The following NRG1 variants were observed in gnomAD, a reference collection of about 807,000 sequenced individuals.
The protein encoded by NRG1 is neuregulin 1.
NRG1 carries 18 observed loss-of-function variants against 63.8 expected under a neutral mutation model. The observed-to-expected ratio is 0.28, with a 90% CI of 0.19 to 0.42. NRG1 has a LOEUF of 0.42. Ranked by LOEUF, NRG1 falls within the 10% of genes least tolerant of loss-of-function variation. NRG1 has a pLI of 1.00. For synonymous variants in NRG1, 302 were observed against 301.3 expected (o/e 1.00, Z -0.02); for missense variants, 762 against 814.7 (o/e 0.94, Z 0.79).
At chr8:32,424,959 A>G (rs1444457501) in intron 1 of NRG1, among the ~76,000 whole-genome samples, 1 of 152,208 alleles carries the variant, frequency 6.6e-6, no homozygotes, top group African/African-American at 2.4e-5. Flanking sequence ...TTCCTCATCT[A>G]GAAGATGTAG....
At chr8:32,110,981 C>T (rs766280789) in intron 1 of NRG1, among the ~76,000 whole-genome samples, 2 of 152,154 alleles carry the variant, frequency 1.3e-5, no homozygotes, top group Non-Finnish European at 2.9e-5. Flanking sequence ...GAGTAAGCAA[C>T]GTTTCCTACC....
intron 1 of NRG1, among the ~76,000 whole-genome samples, chr8:32,076,998 ACT>A (rs1826669357): frequency 6.6e-6 from 1 of 152,082 alleles, no homozygotes; most frequent in East Asian, 1.9e-4. Context: ...CAGGCTTCTG[ACT>A]CTATTTCAAC....
intron 7 of NRG1, chr8:32,743,315 T>C: frequency 1.4e-6 from 1 of 723,206 alleles, no homozygotes; most frequent in Non-Finnish European, 1.7e-6. Context: ...AACAAACATT[T>C]CACAGCAAAT....
At chr8:32,490,944 T>A (rs912118350) in intron 1 of NRG1, among the ~76,000 whole-genome samples, 4 of 152,166 alleles carry the variant, frequency 2.6e-5, no homozygotes, top group African/African-American at 9.7e-5. Context: ...TTTTATTTTC[T>A]TGGTACTTTT....
intron 1 of NRG1, among the ~76,000 whole-genome samples, chr8:31,713,209 C>T (rs560086389): frequency 4.9e-4 from 74 of 150,936 alleles, no homozygotes; most frequent in African/African-American, 8.3e-4. Context: ...CTCCACCTCC[C>T]GGGTTCACGC....
intron 1 of NRG1, among the ~76,000 whole-genome samples, chr8:32,591,667 A>G (rs1842546350): frequency 6.6e-6 from 1 of 152,214 alleles, no homozygotes. Context: ...TAATGTTATT[A>G]TTAATTAAAT....
chr8:31,672,797 T>C (rs1414363141), intron 1 of NRG1, among the ~76,000 whole-genome samples: 6 of 152,168 alleles, frequency 3.9e-5, no homozygotes, highest in African/African-American at 1.4e-4. Context: ...AGTAATGAGG[T>C]GCTCTAGATT....
intron 1 of NRG1, among the ~76,000 whole-genome samples, chr8:31,895,303 G>T (rs1433435580): frequency 6.6e-6 from 1 of 152,216 alleles, no homozygotes; most frequent in Non-Finnish European, 1.5e-5. Flanking sequence ...CCCACAACTT[G>T]GCAGAATGTC....
At chr8:32,737,307 T>C (rs1308867864) in intron 6 of NRG1, among the ~76,000 whole-genome samples, 1 of 152,122 alleles carries the variant, frequency 6.6e-6, no homozygotes, top group African/African-American at 2.4e-5. Context: ...CCCAGCACTT[T>C]GCGAGGCCAA....
intron 1 of NRG1, among the ~76,000 whole-genome samples, chr8:32,411,508 G>A (rs1379047373): frequency 9.9e-5 from 15 of 152,172 alleles, no homozygotes; most frequent in African/African-American, 3.4e-4. Context: ...TCCAAGAGGT[G>A]CAAGCTCTAA....
At chr8:32,763,152 C>T (rs1015664444) in intron 11 of NRG1, 18 of 1,517,040 alleles carry the variant, frequency 1.2e-5, no homozygotes, top group Non-Finnish European at 1.6e-5. Flanking sequence ...AAATGAAAAG[C>T]ACACAAATGT....
At chr8:32,651,356 A>G (rs1041862582) in intron 5 of NRG1, among the ~76,000 whole-genome samples, 2 of 152,144 alleles carry the variant, frequency 1.3e-5, no homozygotes, top group African/African-American at 4.8e-5. Context: ...CACTACCACA[A>G]TGATTATATT....
At chr8:32,234,067 T>C (rs564446908) in intron 1 of NRG1, among the ~76,000 whole-genome samples, 5 of 152,342 alleles carry the variant, frequency 3.3e-5, no homozygotes, top group Admixed American at 6.5e-5. Context: ...AATTATTGTA[T>C]TGATTTTTGC....
chr8:32,146,540 A>G (rs370617785), intron 1 of NRG1, among the ~76,000 whole-genome samples: 6 of 152,186 alleles, frequency 3.9e-5, no homozygotes, highest in African/African-American at 1.2e-4. Flanking sequence ...TTTATGCTGT[A>G]TTTACTGTCA....
intron 1 of NRG1, among the ~76,000 whole-genome samples, chr8:31,853,272 C>T (rs909086087): frequency 2.2e-4 from 33 of 151,800 alleles, no homozygotes; most frequent in African/African-American, 7.5e-4. Flanking sequence ...TTGTTTGTAT[C>T]CTCTTTTATT....
chr8:32,287,724 A>C (rs1336394116), intron 1 of NRG1, among the ~76,000 whole-genome samples: 1 of 152,176 alleles, frequency 6.6e-6, no homozygotes, highest in Non-Finnish European at 1.5e-5. Context: ...CAGAAAAGAA[A>C]TTTTTTGTCT....
At chr8:32,372,376 T>C (rs1210453463) in intron 1 of NRG1, among the ~76,000 whole-genome samples, 1 of 152,110 alleles carries the variant, frequency 6.6e-6, no homozygotes, top group African/African-American at 2.4e-5. Flanking sequence ...ACAAGTTCTC[T>C]GCCCTTCGTC....
chr8:32,524,775 T>G (rs992580847), intron 1 of NRG1, among the ~76,000 whole-genome samples: 6 of 152,162 alleles, frequency 3.9e-5, no homozygotes, highest in African/African-American at 1.2e-4. Context: ...TGTTTGTTCT[T>G]GTGTCATCCC....
intron 1 of NRG1, among the ~76,000 whole-genome samples, chr8:32,489,174 GTGTGGTGGCC>G (rs1826249366): frequency 6.6e-6 from 1 of 152,158 alleles, no homozygotes; most frequent in South Asian, 2.1e-4. Context: ...GCTGCCGCAT[GTGTGGTGGCC>G]TGCTAGTGCT....
Sources: allele counts gnomAD v4.1 joint callset (sites outside exome capture counted in the v4.1 genomes callset), GRCh38; gene constraint gnomAD v4.1.1; transcripts MANE v1.5; gene names NCBI Gene and HGNC (gene_info 2026-07-23, HGNC 2026-07-21).